Variants in SNTG1 observed in about 807,000 individuals in gnomAD.
SNTG1 encodes gamma-1-syntrophin.
A neutral mutation model predicts 74.7 loss-of-function variants in SNTG1; 39 were observed. The ratio of observed to expected loss-of-function variants is 0.52; its 90% confidence interval spans 0.40 to 0.68. The LOEUF is 0.68. SNTG1 is among the 30% of genes least tolerant of loss of function. The pLI, the probability that SNTG1 is intolerant of heterozygous loss-of-function variation, is 0.00. For missense variants in SNTG1, 685 were observed against 609.5 expected (o/e 1.12, Z -1.30); for synonymous variants, 254 against 217.1 (o/e 1.17, Z -1.49).
intron 2 of SNTG1, among the ~76,000 whole-genome samples, chr8:50,371,780 G>A (rs1597433): frequency 0.26 from 39,178 of 151,786 alleles, 5,375 homozygotes; most frequent in South Asian, 0.35. Flanking sequence ...CCCTTTTATC[G>A]TTACATCATG....
At chr8:50,275,183 G>C (rs866513135) in intron 2 of SNTG1, among the ~76,000 whole-genome samples, 1 of 151,866 alleles carries the variant, frequency 6.6e-6, no homozygotes, top group African/African-American at 2.4e-5. Flanking sequence ...ATCCAGGTCT[G>C]GTATTTTAAA....
chr8:50,040,986 T>C (rs1056728190), intron 1 of SNTG1, among the ~76,000 whole-genome samples: 1 of 152,154 alleles, frequency 6.6e-6, no homozygotes, highest in African/African-American at 2.4e-5. Context: ...AACCCCCGCC[T>C]CCCAGGTTCA....
chr8:50,778,283 C>T (rs889731647), intron 18 of SNTG1, among the ~76,000 whole-genome samples: 2 of 152,174 alleles, frequency 1.3e-5, no homozygotes, highest in African/African-American at 2.4e-5. Flanking sequence ...GCCACACTGA[C>T]TTCCACAATG....
chr8:49,973,732 G>C (rs1197953929), intron 1 of SNTG1, among the ~76,000 whole-genome samples: 1 of 152,120 alleles, frequency 6.6e-6, no homozygotes, highest in Admixed American at 6.5e-5. Flanking sequence ...ACTTAAAACT[G>C]TAGAATAAAA....
intron 2 of SNTG1, among the ~76,000 whole-genome samples, chr8:50,391,332 G>T (rs1028762669): frequency 6.6e-6 from 1 of 152,070 alleles, no homozygotes; most frequent in Non-Finnish European, 1.5e-5. Flanking sequence ...AGATAATCAC[G>T]TGGCTTTTGT....
At chr8:50,131,762 T>A (rs2081325639) in intron 1 of SNTG1, among the ~76,000 whole-genome samples, 1 of 152,060 alleles carries the variant, frequency 6.6e-6, no homozygotes. Flanking sequence ...GGAACCTCCA[T>A]TCTGTTTAAT....
At chr8:49,937,223 G>T (rs1331082441) in intron 1 of SNTG1, among the ~76,000 whole-genome samples, 1 of 152,202 alleles carries the variant, frequency 6.6e-6, no homozygotes, top group East Asian at 1.9e-4. Flanking sequence ...AGGGAAAAAA[G>T]AGTACACATT....
intron 1 of SNTG1, among the ~76,000 whole-genome samples, chr8:49,912,509 A>T (rs889322588): frequency 1.3e-5 from 2 of 152,190 alleles, no homozygotes; most frequent in African/African-American, 4.8e-5. Flanking sequence ...TTTTTTCCCA[A>T]AACTAATGCA....
At chr8:50,774,863 G>A (rs752466204) in intron 18 of SNTG1, among the ~76,000 whole-genome samples, 9 of 151,394 alleles carry the variant, frequency 5.9e-5, no homozygotes, top group East Asian at 3.9e-4. Context: ...CACTATTGAC[G>A]TTGTCATTGT....
chr8:50,329,868 C>A (rs561680950), intron 2 of SNTG1, among the ~76,000 whole-genome samples: 2 of 152,042 alleles, frequency 1.3e-5, no homozygotes, highest in Non-Finnish European at 1.5e-5. Context: ...TTATGCTCTG[C>A]TTCCTTTTTA....
rs562205435 is a variant in SNTG1, at chr8:50,205,111, T to A, written c.-28+32476T>A. Among the ~76,000 whole-genome samples the A allele has an allele frequency of 2.7e-3, 408 of 152,262 alleles. 2 individuals are homozygous for A. The highest frequency in any genetic ancestry group is 9.3e-3 in the African/African-American group (385 of 41,550). On this transcript the variant is annotated intron_variant, in intron 2 of 18. Transcript: ENST00000642720. Reference sequence around the variant, plus strand: ...GTAATGAGATGGCTGGGTCAAATGGTATTTCTAGTTCTAGATCCTTGAGGA... The same window carrying A: ...GTAATGAGATGGCTGGGTCAAATGGAATTTCTAGTTCTAGATCCTTGAGGA...
chr8:50,030,042 T>C (rs185587248), intron 1 of SNTG1, among the ~76,000 whole-genome samples: 8 of 152,312 alleles, frequency 5.3e-5, no homozygotes, highest in African/African-American at 1.9e-4. Context: ...AAAGCCATTT[T>C]TACTGGTGTG....
intron 12 of SNTG1, among the ~76,000 whole-genome samples, chr8:50,579,588 G>A (rs968618890): frequency 6.6e-6 from 1 of 152,146 alleles, no homozygotes; most frequent in Non-Finnish European, 1.5e-5. Context: ...CATCCCTGGG[G>A]CATGGTGCCC....
At chr8:50,781,771 C>T (rs929108211) in intron 18 of SNTG1, among the ~76,000 whole-genome samples, 17 of 152,102 alleles carry the variant, frequency 1.1e-4, no homozygotes, top group Admixed American at 2.6e-4. Context: ...TTATTGTGCG[C>T]GTTCGTTGAT....
chr8:50,429,975 G>C lies in SNTG1; in HGVS notation c.163-8568G>C, dbSNP rs907804283. 3.9e-5 allele frequency among the ~76,000 whole-genome samples: 6 copies of C among 152,114 alleles called. No individual in the cohort carries two copies. In the East Asian group the frequency reaches 1.2e-3, roughly 29 times the overall value. ...GATAATAAGGTTTATTGAGAATATG[G>C]AGAAATTGAAATTCTCATACATTGT... On this transcript the variant is annotated intron_variant, in intron 4 of 18. Coordinates refer to ENST00000642720, the MANE Select transcript of SNTG1 (RefSeq NM_018967.5).
intron 9 of SNTG1, among the ~76,000 whole-genome samples, chr8:50,509,749 GT>G (rs1226109971): frequency 4.6e-5 from 7 of 151,888 alleles, no homozygotes; most frequent in Non-Finnish European, 7.4e-5. Context: ...AGGCTTGTGA[GT>G]TTTGCACATT....
intron 1 of SNTG1, among the ~76,000 whole-genome samples, chr8:49,963,348 C>A (rs552638876): frequency 8.5e-5 from 13 of 152,142 alleles, no homozygotes; most frequent in Non-Finnish European, 1.3e-4. Context: ...TGGCACATTG[C>A]CCAACTGTGA....
chr8:50,433,120 T>G (rs534504023), intron 4 of SNTG1, among the ~76,000 whole-genome samples: 1 of 152,206 alleles, frequency 6.6e-6, no homozygotes, highest in Non-Finnish European at 1.5e-5. Flanking sequence ...TATGTGTTAT[T>G]TTAAATGGCA....
At chr8:50,588,894 A>G (rs1266912935) in intron 12 of SNTG1, among the ~76,000 whole-genome samples, 1 of 152,148 alleles carries the variant, frequency 6.6e-6, no homozygotes, top group Non-Finnish European at 1.5e-5. Context: ...CATAATTTCT[A>G]AAGGCCATTT....
Sources: allele counts gnomAD v4.1 joint callset (sites outside exome capture counted in the v4.1 genomes callset), GRCh38; gene constraint gnomAD v4.1.1; transcripts MANE v1.5; gene names NCBI Gene and HGNC (gene_info 2026-07-23, HGNC 2026-07-21).